PGS1: variants seen among roughly 807,000 people sequenced by gnomAD.
PGS1 encodes the protein CDP-diacylglycerol--glycerol-3-phosphate 3-phosphatidyltransferase, mitochondrial.
In PGS1, 44 loss-of-function variants were observed where a neutral mutation model predicts 58.3. The observed-to-expected ratio is 0.75, with a 90% CI of 0.59 to 0.97. PGS1 has a LOEUF of 0.97. Ranked by LOEUF, PGS1 falls within the 50% of genes least tolerant of loss-of-function variation. The probability of loss-of-function intolerance (pLI) is 0.00; values close to 1 mark genes in which losing one functional copy is unlikely to be tolerated. For synonymous variants in PGS1, 330 were observed against 311.0 expected (o/e 1.06, Z -0.64); for missense variants, 684 against 731.1 (o/e 0.94, Z 0.74).
chr17:78,396,950 C>T (rs1598296657), intron 3 of PGS1, among the ~76,000 whole-genome samples: 2 of 152,200 alleles, frequency 1.3e-5, no homozygotes, highest in East Asian at 1.9e-4. Context: ...AATATTTACT[C>T]TCTGGCCGTT....
At position 78,403,590 on chromosome 17, in the gene PGS1, G is replaced by A; in HGVS notation, c.903G>A (p.Lys301=). The part of the protein sequence containing the change: ...PYKGDRAEYC[K]AANKRVMDVI... The stretch of plus-strand genomic sequence containing the variant: ...CAGGGGACCGGGCCGAGTACTGCAA[G>A]GCAGCCAATAAGAGGGTCATGGATG... The change falls in exon 7 of 10, where the codon AAG becomes AAA. Residue 301 remains lysine, a synonymous_variant. Transcript: ENST00000262764. 1 of 1,612,662 alleles carries A rather than the reference G, an allele frequency of 6.2e-7. No homozygotes were observed.
Position 78,424,079 on chromosome 17 carries a change from T to G in PGS1, c.*29T>G, listed in dbSNP as rs762364121. ...TCCACAGGAATGGCCTTGATGAAGA[T>G]GACAGGCATGGCCGGGGTCAGCTCT... On this transcript the variant is annotated 3_prime_UTR_variant, in exon 10 of 10. Coordinates refer to ENST00000262764, the MANE Select transcript of PGS1 (RefSeq NM_024419.5). 2 of 1,614,014 alleles carry G rather than the reference T, an allele frequency of 1.2e-6. No individual in the cohort carries two copies. The highest frequency in any genetic ancestry group is 3.3e-5 in the Admixed American group (2 of 60,028).
intron 4 of PGS1, among the ~76,000 whole-genome samples, 165 bp downstream of exon 4, chr17:78,398,516 A>G (rs970626593): frequency 6.6e-6 from 1 of 152,188 alleles, no homozygotes; most frequent in Non-Finnish European, 1.5e-5. Flanking sequence ...TTTTTTCTTC[A>G]GCAAGTGACT....
At position 78,403,999 on chromosome 17, in the gene PGS1, C is replaced by T; in HGVS notation, c.1312C>T (p.Gln438Ter). ...IPAAYVHIER[Q>*]FFSEVCSLGQ... is the part of the protein sequence containing the mutation. ...AGCGGCCTATGTGCACATCGAGCGA[C>T]AGTTCTTCAGTGAGGTGTGCAGCCT... Residue 438 changes from glutamine (Q) to a stop codon, truncating the protein, a stop_gained, in exon 7 of 10, where the codon CAG becomes TAG. Transcript: ENST00000262764. LOFTEE classifies it high-confidence loss of function. 6.2e-7 allele frequency: 1 copy of T among 1,613,816 alleles called. No homozygotes were observed. Among genetic ancestry groups the T allele is most frequent in the Non-Finnish European group, 8.5e-7 (1 of 1,179,906 alleles).
chr17:78,381,738 C>G (rs1027563488), intron 1 of PGS1, among the ~76,000 whole-genome samples: 14 of 152,262 alleles, frequency 9.2e-5, no homozygotes, highest in African/African-American at 3.1e-4. Flanking sequence ...GGGGACGTTC[C>G]TTTTACTGCC....
intron 2 of PGS1, among the ~76,000 whole-genome samples, chr17:78,393,380 C>T (rs1327154090): frequency 1.3e-5 from 2 of 152,082 alleles, no homozygotes; most frequent in African/African-American, 4.8e-5. Context: ...TTCTTATGGG[C>T]GCACTGATTC....
At position 78,399,404 on chromosome 17, in the gene PGS1, G is replaced by A. The variant is rs374382474; in HGVS notation, c.568G>A (p.Val190Ile). 5 of 1,614,128 alleles carry A rather than the reference G, an allele frequency of 3.1e-6. No individual in the cohort carries two copies. Among genetic ancestry groups the A allele is most frequent in the South Asian group, 1.1e-5 (1 of 91,088 alleles). ...LPLLRRFPEQ[V>I]RVSLFHTPHL... is the part of the protein sequence containing the mutation. ...ACTCCTGCGGAGGTTCCCAGAGCAG[G>A]TCCGAGTCTCCCTCTTTCACACGCC... Residue 190 changes from valine (V) to isoleucine (I), a missense_variant, in exon 5 of 10, where the codon GTC becomes ATC. Val to Ile is a conservative substitution (Grantham distance 29). Coordinates refer to ENST00000262764, the MANE Select transcript of PGS1 (RefSeq NM_024419.5).
intron 1 of PGS1, among the ~76,000 whole-genome samples, chr17:78,386,849 T>C (rs1392762347): frequency 2.0e-5 from 3 of 152,104 alleles, no homozygotes; most frequent in Non-Finnish European, 2.9e-5. Flanking sequence ...TTCTGTCTGA[T>C]GTGAAAGAAA....
rs376442408 is a variant in PGS1, at chr17:78,379,502, T to C, written c.143+694T>C. 1.4e-3 allele frequency among the ~76,000 whole-genome samples: 217 copies of C among 152,252 alleles called. 2 individuals carry two copies. Among genetic ancestry groups the C allele is most frequent in the African/African-American group, 4.8e-3 (201 of 41,550 alleles). On this transcript the variant is annotated intron_variant, in intron 1 of 9. Coordinates refer to ENST00000262764, the MANE Select transcript of PGS1 (RefSeq NM_024419.5). Reference sequence around the variant, plus strand: ...AACATTTGCCAAGAACATGCTGACCTGAGGCTTGCTAATATTAAAAAAAAG... The same window carrying C: ...AACATTTGCCAAGAACATGCTGACCCGAGGCTTGCTAATATTAAAAAAAAG...
chr17:78,384,016 T>C (rs2082210340), intron 1 of PGS1, among the ~76,000 whole-genome samples: 1 of 152,206 alleles, frequency 6.6e-6, no homozygotes, highest in Non-Finnish European at 1.5e-5. Context: ...TGAAGCCCTT[T>C]GGAGTCATAG....
rs1389633640 is a variant in PGS1 at position 78,419,625 on chromosome 17, G to A, written c.1631G>A (p.Trp544Ter). ...FEQPSRQVKL[W>*]VKMVTPLIKN... ...CAGCCGAGTCGCCAGGTGAAGCTGT[G>A]GGTGAAGATGGTGACTCCACTGATC... Residue 544 changes from tryptophan to a stop codon, truncating the protein, a stop_gained, in exon 9 of 10, where the codon TGG (tryptophan) becomes TAG (stop). Coordinates refer to ENST00000262764, the MANE Select transcript of PGS1 (RefSeq NM_024419.5). LOFTEE classifies it high-confidence loss of function. The A allele has an allele frequency of 1.2e-6, 2 of 1,614,070 alleles. No individual in the cohort carries two copies. Among genetic ancestry groups the A allele is most frequent in the Non-Finnish European group, 1.7e-6 (2 of 1,179,978 alleles).
chr17:78,393,486 CA>C (rs1429514336), intron 2 of PGS1, among the ~76,000 whole-genome samples: 1 of 152,164 alleles, frequency 6.6e-6, no homozygotes, highest in Non-Finnish European at 1.5e-5. Context: ...CTAAAGGTGA[CA>C]GGGGAGGAGG....
chr17:78,409,129 G>A (rs922025380), intron 7 of PGS1, among the ~76,000 whole-genome samples: 26 of 152,346 alleles, frequency 1.7e-4, no homozygotes, highest in African/African-American at 5.8e-4. Flanking sequence ...ATGGAGGTGA[G>A]GGACAGAGTG....
At chr17:78,419,807 T>A in intron 9 of PGS1, 132 bp downstream of exon 9, 1 of 1,486,226 alleles carries the variant, frequency 6.7e-7, no homozygotes. Context: ...CAGAGCAGCA[T>A]CTTCAGGGGT....
chr17:78,401,896 C>A (rs1055915362), intron 6 of PGS1, among the ~76,000 whole-genome samples: 5 of 152,158 alleles, frequency 3.3e-5, no homozygotes, highest in African/African-American at 1.2e-4. Context: ...GTGTGTGGAT[C>A]CCTGGTCTAA....
chr17:78,412,362 T>C (rs1365526390), intron 7 of PGS1, among the ~76,000 whole-genome samples: 1 of 152,152 alleles, frequency 6.6e-6, no homozygotes, highest in Non-Finnish European at 1.5e-5. Context: ...TCTCAAATCC[T>C]GAGCACTCAC....
intron 2 of PGS1, among the ~76,000 whole-genome samples, chr17:78,394,029 C>T (rs1007997299): frequency 5.3e-5 from 8 of 151,710 alleles, no homozygotes; most frequent in Admixed American, 1.3e-4. Context: ...ACCAAAAATA[C>T]GGAAGGGTGG....
chr17:78,419,901 C>T (rs2085545456), intron 9 of PGS1: 2 of 1,267,416 alleles, frequency 1.6e-6, no homozygotes, highest in African/African-American at 1.5e-5. Context: ...TCCACTAAGT[C>T]CCAAGGCGCC....
At chr17:78,418,960 C>A (rs780891097) in intron 8 of PGS1, among the ~76,000 whole-genome samples, 1 of 152,094 alleles carries the variant, frequency 6.6e-6, no homozygotes, top group Non-Finnish European at 1.5e-5. Context: ...ATTTCTTCAA[C>A]TCTAAATTGA....
Sources: allele counts gnomAD v4.1 joint callset (sites outside exome capture counted in the v4.1 genomes callset), GRCh38; gene constraint gnomAD v4.1.1; transcripts MANE v1.5; gene names NCBI Gene and HGNC (gene_info 2026-07-23, HGNC 2026-07-21).